The following LHFPL3 variants were observed in gnomAD, a reference collection of about 807,000 sequenced individuals.
LHFPL3 encodes the protein LHFPL tetraspan subfamily member 3 protein.
Under a neutral mutation model 19.3 loss-of-function variants are expected in LHFPL3, and 5 were observed. The ratio of observed to expected loss-of-function variants is 0.26; its 90% CI spans 0.14 to 0.54. LHFPL3 has a LOEUF of 0.54. Ranked by LOEUF, LHFPL3 falls within the 20% of genes least tolerant of loss-of-function variation. The pLI, the probability that LHFPL3 is intolerant of heterozygous loss-of-function variation, is 0.94. For missense variants in LHFPL3, 249 were observed against 307.4 expected (o/e 0.81, Z 1.42); for synonymous variants, 133 against 126.2 (o/e 1.05, Z -0.36).
At chr7:104,644,908 G>A (rs1016319546) in intron 1 of LHFPL3, among the ~76,000 whole-genome samples, 3 of 152,132 alleles carry the variant, frequency 2.0e-5, no homozygotes, top group Admixed American at 1.3e-4. Flanking sequence ...CTCCTAAGTG[G>A]TTTTGAAAAA....
intron 1 of LHFPL3, among the ~76,000 whole-genome samples, chr7:104,667,046 T>C (rs1426800941): frequency 2.0e-5 from 3 of 152,158 alleles, no homozygotes; most frequent in Admixed American, 2.0e-4. Flanking sequence ...AAGTTTTATT[T>C]TTAGCTTTTT....
At chr7:104,566,315 C>T (rs1165953250) in intron 1 of LHFPL3, among the ~76,000 whole-genome samples, 24 of 152,156 alleles carry the variant, frequency 1.6e-4, no homozygotes, top group Admixed American at 1.6e-3. Context: ...CACATCACTA[C>T]ACTCCAGCCT....
chr7:104,507,268 C>G (rs1793717338), intron 1 of LHFPL3, among the ~76,000 whole-genome samples: 1 of 148,138 alleles, frequency 6.8e-6, no homozygotes, highest in Non-Finnish European at 1.5e-5. Flanking sequence ...AGATATAGAT[C>G]AATGGAACAG....
chr7:104,805,966 A>T (rs764266179), intron 2 of LHFPL3, among the ~76,000 whole-genome samples: 3 of 152,240 alleles, frequency 2.0e-5, no homozygotes, highest in Non-Finnish European at 4.4e-5. Context: ...TTGCACTGTA[A>T]ACCATGATAC....
chr7:104,877,657 T>C (rs1216615166), intron 2 of LHFPL3, among the ~76,000 whole-genome samples: 1 of 152,152 alleles, frequency 6.6e-6, no homozygotes. Flanking sequence ...GAAACTCTCA[T>C]ACATTGCGGA....
At chr7:104,698,488 A>T (rs1385362653) in intron 1 of LHFPL3, among the ~76,000 whole-genome samples, 1 of 152,152 alleles carries the variant, frequency 6.6e-6, no homozygotes, top group African/African-American at 2.4e-5. Flanking sequence ...AAAATTAAAA[A>T]CTCTTGTGCA....
chr7:104,744,369 C>G (rs140369508), intron 2 of LHFPL3, among the ~76,000 whole-genome samples: 94 of 152,224 alleles, frequency 6.2e-4, no homozygotes, highest in African/African-American at 2.1e-3. Flanking sequence ...TCTTCAAGTG[C>G]TTTGAATTAA....
At chr7:104,882,743 A>C (rs1041661768) in intron 2 of LHFPL3, among the ~76,000 whole-genome samples, 5 of 152,180 alleles carry the variant, frequency 3.3e-5, no homozygotes, top group Non-Finnish European at 7.3e-5. Context: ...GGTATACTAA[A>C]ATCACCGAAT....
intron 1 of LHFPL3, among the ~76,000 whole-genome samples, chr7:104,571,916 C>CAG (rs1433025913): frequency 2.6e-5 from 4 of 152,178 alleles, no homozygotes; most frequent in African/African-American, 9.7e-5. Flanking sequence ...AACACACACA[C>CAG]ACTTTTTCTT....
rs545673198 is a variant in LHFPL3, at chr7:104,416,452, C to T, written c.445+87228C>T. Among the ~76,000 whole-genome samples, 13 of 152,332 alleles carry T rather than the reference C, an allele frequency of 8.5e-5. 1 individual carries two copies. The highest frequency in any genetic ancestry group is 2.6e-4 in the African/African-American group (11 of 41,576). On this transcript the variant is annotated intron_variant, in intron 1 of 2. Coordinates refer to ENST00000424859, the MANE Select transcript of LHFPL3 (RefSeq NM_199000.3). ...CTGTATCACCTACTCACTGCTGCCT[C>T]CACTCCCATGGAGACAAACCTTCCG...
intron 1 of LHFPL3, among the ~76,000 whole-genome samples, chr7:104,509,783 C>T (rs1046644255): frequency 6.6e-6 from 1 of 151,858 alleles, no homozygotes; most frequent in Non-Finnish European, 1.5e-5. Context: ...CATACAGATA[C>T]AAAGAAAAAG....
At chr7:104,792,800 C>T (rs866081178) in intron 2 of LHFPL3, among the ~76,000 whole-genome samples, 13 of 152,300 alleles carry the variant, frequency 8.5e-5, no homozygotes, top group Middle Eastern at 3.4e-3. Context: ...TGGGAAGTAT[C>T]TGACTGTGCA....
At chr7:104,811,121 T>TTC (rs1241038833) in intron 2 of LHFPL3, among the ~76,000 whole-genome samples, 1 of 147,476 alleles carries the variant, frequency 6.8e-6, no homozygotes, top group African/African-American at 2.5e-5. Context: ...TTCTCTCTCT[T>TTC]TCTCTCTCTC....
chr7:104,892,460 C>T (rs1217732390), intron 2 of LHFPL3, among the ~76,000 whole-genome samples: 1 of 152,058 alleles, frequency 6.6e-6, no homozygotes, highest in Non-Finnish European at 1.5e-5. Context: ...CACCTGTAAT[C>T]CTAGCACTTT....
At chr7:104,436,442 A>G (rs985155816) in intron 1 of LHFPL3, among the ~76,000 whole-genome samples, 28 of 152,180 alleles carry the variant, frequency 1.8e-4, no homozygotes, top group African/African-American at 6.5e-4. Context: ...ACTCAAACCC[A>G]GTTCATGCTC....
In LHFPL3 at chr7:104,328,746, CAGGAGGAGGAGGAGG is replaced by C. The variant is rs71794813; in HGVS notation, c.-21_-7del. 6.7e-6 allele frequency: 10 copies of C among 1,490,092 alleles called. No individual in the cohort carries two copies. In the African/African-American group the frequency reaches 9.8e-5, roughly 15 times the overall value. 92.3% of individuals were successfully genotyped at this position (1,490,092 alleles called of 1,614,324 possible). A position where few individuals can be genotyped will look rare whatever the true frequency, so the allele number is the denominator to read the frequency against. On this transcript the variant is annotated 5_prime_UTR_variant, in exon 1 of 3. Coordinates refer to ENST00000424859, the MANE Select transcript of LHFPL3 (RefSeq NM_199000.3). The surrounding 1 kb of genome is among the most constrained non-coding windows in gnomAD (Gnocchi z 4.6). ...TGAGAGGCGGGGGGAGGCGGAGGAC[CAGGAGGAGGAGGAGG>C]AGGAGGAGGAGGGGGAGAATGCCCG...
chr7:104,476,541 A>T (rs1204736938), intron 1 of LHFPL3, among the ~76,000 whole-genome samples: 2 of 151,554 alleles, frequency 1.3e-5, no homozygotes, highest in East Asian at 3.9e-4. Context: ...GCTCACTGCA[A>T]CCTCCGCCTC....
intron 1 of LHFPL3, among the ~76,000 whole-genome samples, chr7:104,461,071 C>T (rs960612082): frequency 6.6e-6 from 1 of 152,190 alleles, no homozygotes; most frequent in African/African-American, 2.4e-5. Flanking sequence ...GTTTAATTGA[C>T]TCACAGTTTC....
At chr7:104,480,726 A>T (rs532123078) in intron 1 of LHFPL3, among the ~76,000 whole-genome samples, 2 of 152,324 alleles carry the variant, frequency 1.3e-5, no homozygotes, top group African/African-American at 4.8e-5. Flanking sequence ...AGCTGAAATT[A>T]TGGCCAGAAG....
Sources: gnomAD v4.1 joint callset for allele counts (sites outside exome capture counted in the v4.1 genomes callset) on GRCh38, gnomAD v4.1.1 for gene constraint, Gnocchi (gnomAD v3.1) non-coding constraint, MANE v1.5 for transcripts, NCBI Gene and HGNC (gene_info 2026-07-23, HGNC 2026-07-21) for gene names.